The following DLG1 variants were observed in gnomAD, a reference collection of about 807,000 sequenced individuals.
The protein encoded by DLG1 is disks large homolog 1.
A neutral mutation model predicts 123.4 loss-of-function variants in DLG1; 42 were observed. The ratio of observed to expected loss-of-function variants is 0.34; its 90% CI spans 0.27 to 0.44. The LOEUF (loss-of-function observed/expected upper bound fraction) is 0.44. Among genes scored for constraint, DLG1 ranks in the 20% least tolerant of loss-of-function variants. The pLI, the probability that DLG1 is intolerant of heterozygous loss-of-function variation, is 1.00. For synonymous variants in DLG1, 317 were observed against 356.2 expected, an observed-to-expected ratio of 0.89 and a Z score of 1.24; for missense variants, 942 against 1,082.6, an observed-to-expected ratio of 0.87 and a Z score of 1.82.
intron 22 of DLG1, among the ~76,000 whole-genome samples, chr3:197,064,452 C>G (rs1738144748): frequency 6.6e-6 from 1 of 152,202 alleles, no homozygotes; most frequent in Non-Finnish European, 1.5e-5. Context: ...CTTGGCCTCC[C>G]AAAGCGCTGG....
At chr3:197,292,184 A>G (rs1377471589) in intron 3 of DLG1, among the ~76,000 whole-genome samples, 1 of 152,222 alleles carries the variant, frequency 6.6e-6, no homozygotes, top group Non-Finnish European at 1.5e-5. Flanking sequence ...TCCTAACAGC[A>G]TTATTCACAA....
At chr3:197,096,448 A>T (rs114622303) in intron 14 of DLG1, among the ~76,000 whole-genome samples, 36 of 152,324 alleles carry the variant, frequency 2.4e-4, no homozygotes, top group African/African-American at 8.4e-4. Context: ...ATTACCCTGC[A>T]TGGAAGCCAA....
chr3:197,287,587 T>C (rs1470127308), intron 3 of DLG1, among the ~76,000 whole-genome samples: 2 of 151,904 alleles, frequency 1.3e-5, no homozygotes, highest in Admixed American at 6.6e-5. Flanking sequence ...CACGGCAGAG[T>C]TGACAGGCCT....
At chr3:197,173,338 T>C (rs1473941802) in intron 5 of DLG1, among the ~76,000 whole-genome samples, 5 of 152,206 alleles carry the variant, frequency 3.3e-5, no homozygotes, top group Non-Finnish European at 7.3e-5. Flanking sequence ...TAATGTATTA[T>C]AATAAGTGCT....
At chr3:197,134,817 T>C (rs555546678) in intron 10 of DLG1, among the ~76,000 whole-genome samples, 2 of 152,316 alleles carry the variant, frequency 1.3e-5, no homozygotes, top group Admixed American at 1.3e-4. Flanking sequence ...TGCCATGGAG[T>C]ATAGGAGCTG....
At chr3:197,053,762 G>C (rs990871212) in intron 23 of DLG1, among the ~76,000 whole-genome samples, 1 of 114,010 alleles carries the variant, frequency 8.8e-6, no homozygotes, top group African/African-American at 3.7e-5. Flanking sequence ...AGACAGAGTA[G>C]ACCCTGTCTC....
At chr3:197,140,069 C>G in intron 8 of DLG1, 71 bp downstream of exon 8, 1 of 1,531,610 alleles carries the variant, frequency 6.5e-7, no homozygotes, top group Non-Finnish European at 8.9e-7. Flanking sequence ...TGTATTTATC[C>G]CTTATCCAGT....
At position 197,108,180 on chromosome 3, in the gene DLG1, C is replaced by T. The variant is rs772987965; in HGVS notation, c.1444-3175G>A. Among the ~76,000 whole-genome samples, 16 of 152,184 alleles carry T rather than the reference C, an allele frequency of 1.1e-4. 1 individual carries two copies. The highest frequency in any genetic ancestry group is 3.9e-4 in the East Asian group (2 of 5,186). ...TTCCATTTGGTTATGGTACATCATC[C>T]TTGTTCATGCTGTTGGATCCAGGTT... On this transcript the variant is annotated intron_variant, in intron 13 of 24. Coordinates refer to ENST00000667157, the MANE Select transcript of DLG1 (RefSeq NM_001366207.1).
intron 5 of DLG1, among the ~76,000 whole-genome samples, chr3:197,163,654 T>TG (rs1296770889): frequency 6.7e-6 from 1 of 150,218 alleles, no homozygotes; most frequent in Non-Finnish European, 1.5e-5. Context: ...CCCAAGTAGC[T>TG]GGGATGACAG....
At chr3:197,128,642 G>A (rs149179645) in intron 11 of DLG1, among the ~76,000 whole-genome samples, 126 of 152,284 alleles carry the variant, frequency 8.3e-4, no homozygotes, top group African/African-American at 3.0e-3. Context: ...CACTACCTAT[G>A]ACAGCTATAG....
intron 5 of DLG1, among the ~76,000 whole-genome samples, chr3:197,166,347 C>T (rs974152211): frequency 6.6e-6 from 1 of 152,000 alleles, no homozygotes; most frequent in Non-Finnish European, 1.5e-5. Context: ...TCAGAAAAGG[C>T]AGTTATAAAT....
intron 4 of DLG1, among the ~76,000 whole-genome samples, chr3:197,242,504 A>T (rs2150750380): frequency 6.6e-6 from 1 of 151,956 alleles, no homozygotes; most frequent in South Asian, 2.1e-4. Flanking sequence ...TTATCAGCAC[A>T]TAAAACATGC....
chr3:197,195,202 A>T (rs1227642031), intron 4 of DLG1, among the ~76,000 whole-genome samples: 1 of 152,000 alleles, frequency 6.6e-6, no homozygotes, highest in African/African-American at 2.4e-5. Flanking sequence ...GAATAAACCT[A>T]CTCATAAAGA....
In DLG1 at chr3:197,255,521, T is replaced by C. The variant is rs1270481417; in HGVS notation, c.318+27158A>G. On this transcript the variant is annotated intron_variant, in intron 4 of 24. Coordinates refer to ENST00000667157, the MANE Select transcript of DLG1 (RefSeq NM_001366207.1). ...AATTAAAAATCCTACCTCCCAGGTA[T>C]ATATTTGAGAGAAATTAGTGGATAT... Among the ~76,000 whole-genome samples the C allele has an allele frequency of 4.6e-5, 7 of 152,308 alleles. No homozygotes were observed. In the East Asian group the frequency reaches 1.3e-3, roughly 29 times the overall value.
intron 14 of DLG1, among the ~76,000 whole-genome samples, chr3:197,102,443 G>A (rs753150629): frequency 2.6e-5 from 4 of 152,132 alleles, no homozygotes; most frequent in African/African-American, 7.2e-5. Flanking sequence ...TCAGAGTGTC[G>A]GATGACTCCT....
chr3:197,104,876 A>G, intron 14 of DLG1, 27 bp downstream of exon 14: 1 of 1,446,382 alleles, frequency 6.9e-7, no homozygotes, highest in Non-Finnish European at 9.7e-7. Flanking sequence ...AATAAGCAAT[A>G]ACTATAGACA....
rs1260508763 is a variant in DLG1 at position 197,059,763 on chromosome 3, A to AGGTGAATAAACAT, written c.2483+113_2483+125dup. ...TATTTAATCCTCACCACATAATCTG[A>AGGTGAATAAACAT]GGTGAATAAACATACTACTATTATC... On this transcript the variant is annotated intron_variant, in intron 23 of 24. Transcript: ENST00000667157. 7 of 545,560 alleles carry AGGTGAATAAACAT rather than the reference A, an allele frequency of 1.3e-5. No homozygotes were observed. In the Admixed American group the frequency reaches 1.8e-4, roughly 14 times the overall value. The allele number at this position is 545,560 out of a possible 1,614,324, so 33.8% of individuals were successfully genotyped here.
At chr3:197,161,713 G>T (rs148027113) in intron 5 of DLG1, 34 of 1,575,344 alleles carry the variant, frequency 2.2e-5, no homozygotes, top group Non-Finnish European at 2.7e-5. Flanking sequence ...GACAGTGGGA[G>T]GAGAGGGAAG....
chr3:197,053,613 A>G (rs1449613425), intron 23 of DLG1, among the ~76,000 whole-genome samples: 1 of 151,814 alleles, frequency 6.6e-6, no homozygotes, highest in Non-Finnish European at 1.5e-5. Context: ...CTCCACTAAG[A>G]ATACAAAAAT....
Sources: allele counts gnomAD v4.1 joint callset (sites outside exome capture counted in the v4.1 genomes callset), GRCh38; gene constraint gnomAD v4.1.1; transcripts MANE v1.5; gene names NCBI Gene and HGNC (gene_info 2026-07-23, HGNC 2026-07-21).